FGF14: variants seen among roughly 807,000 people sequenced by gnomAD.
The protein encoded by FGF14 is fibroblast growth factor homologous factor 4.
Under a neutral mutation model 25.5 loss-of-function variants are expected in FGF14, and 5 were observed. The observed-to-expected ratio is 0.20, with a 90% CI of 0.10 to 0.41. The LOEUF is 0.41. FGF14 is among the 10% of genes least tolerant of loss of function. FGF14 has a pLI of 1.00. For missense variants in FGF14, 222 were observed against 320.1 expected, an observed-to-expected ratio of 0.69 and a Z score of 2.34; for synonymous variants, 138 against 118.3, an observed-to-expected ratio of 1.17 and a Z score of -1.08.
At chr13:102,060,049 A>G (rs2042610267) in intron 1 of FGF14, among the ~76,000 whole-genome samples, 1 of 152,208 alleles carries the variant, frequency 6.6e-6, no homozygotes, top group South Asian at 2.1e-4. Flanking sequence ...GAGTGCCAGC[A>G]TAACATTCAA....
At position 102,192,096 on chromosome 13, in the gene FGF14, A is replaced by C. The variant is rs142156094; in HGVS notation, c.208+209375T>G. The stretch of plus-strand genomic sequence containing the variant: ...AAGGCCCCACCCCCAGGCTTTAGTC[A>C]GAGGCCATATGGCCTATTGAAACTG... On this transcript the variant is annotated intron_variant, in intron 1 of 4. Coordinates refer to the FGF14 transcript ENST00000376131. Among the ~76,000 whole-genome samples the C allele has an allele frequency of 2.1e-3, 320 of 152,318 alleles. 1 individual carries two copies. Among genetic ancestry groups the C allele is most frequent in the Non-Finnish European group, 3.9e-3 (264 of 68,026 alleles).
intron 1 of FGF14, among the ~76,000 whole-genome samples, chr13:102,238,865 A>C (rs1412755051): frequency 1.3e-5 from 2 of 152,184 alleles, no homozygotes; most frequent in Non-Finnish European, 2.9e-5. Flanking sequence ...TGTCTGGTTC[A>C]TGTGTCTGTC....
intron 2 of FGF14, among the ~76,000 whole-genome samples, chr13:101,873,876 A>C (rs1342451276): frequency 1.3e-5 from 2 of 152,130 alleles, no homozygotes; most frequent in African/African-American, 4.8e-5. Context: ...ACTAAAAATA[A>C]ACCAATAAAC....
intron 1 of FGF14, among the ~76,000 whole-genome samples, chr13:102,067,297 ACTC>A (rs1463485240): frequency 7.9e-5 from 12 of 152,166 alleles, no homozygotes; most frequent in Non-Finnish European, 1.5e-4. Context: ...TACAGTGACC[ACTC>A]AGCTTGACAA....
At chr13:101,924,027 T>C (rs1027343326) in intron 1 of FGF14, among the ~76,000 whole-genome samples, 1 of 152,102 alleles carries the variant, frequency 6.6e-6, no homozygotes, top group Non-Finnish European at 1.5e-5. Flanking sequence ...GTTGTGAATA[T>C]TGGCAAATCT....
chr13:101,822,418 G>A (rs2042198685), intron 3 of FGF14, among the ~76,000 whole-genome samples: 1 of 151,496 alleles, frequency 6.6e-6, no homozygotes, highest in Non-Finnish European at 1.5e-5. Flanking sequence ...ATCTGTTAGT[G>A]TGAGTACTTC....
chr13:101,717,880 GTTA>G lies in FGF14; in HGVS notation c.*4948_*4950del, dbSNP rs1482717053. The G allele has an allele frequency of 2.0e-5, 3 of 152,010 alleles. No individual in the cohort carries two copies. Among genetic ancestry groups the G allele is most frequent in the Non-Finnish European group, 2.9e-5 (2 of 67,988 alleles). 9.4% of individuals were successfully genotyped at this position (152,010 alleles called of 1,614,324 possible). ...TTATTTTTCTTATAATCCTCTGTAT[GTTA>G]TTATCCTTTTTATTAACAACAACAA... On this transcript the variant is annotated 3_prime_UTR_variant, in exon 5 of 5. Coordinates refer to ENST00000376143, the MANE Select transcript of FGF14 (RefSeq NM_004115.4).
At chr13:102,091,586 C>G (rs1447373527) in intron 1 of FGF14, among the ~76,000 whole-genome samples, 1 of 152,206 alleles carries the variant, frequency 6.6e-6, no homozygotes, top group Admixed American at 6.5e-5. Flanking sequence ...ATTGGTCCTC[C>G]TCAGAGGTCT....
In FGF14 at chr13:102,115,515, T is replaced by C. The variant is rs367891003; in HGVS notation, c.209-240219A>G. Among the ~76,000 whole-genome samples the C allele has an allele frequency of 2.0e-3, 297 of 152,290 alleles. 12 individuals carry two copies. The South Asian group carries it at 0.058, about 30-fold the overall frequency. ...TCTTCATGTCATTGCTGACCACATG[T>C]AGGGCTTCTTTTAATAAGTGTCTGT... On this transcript the variant is annotated intron_variant, in intron 1 of 4. Coordinates refer to the FGF14 transcript ENST00000376131.
intron 1 of FGF14, among the ~76,000 whole-genome samples, chr13:101,895,210 C>A (rs2030453225): frequency 6.6e-6 from 1 of 152,050 alleles, no homozygotes; most frequent in Non-Finnish European, 1.5e-5. Flanking sequence ...CATTAAATTC[C>A]TAATGACTGT....
intron 1 of FGF14, among the ~76,000 whole-genome samples, chr13:102,289,559 C>T (rs2054273492): frequency 6.6e-6 from 1 of 152,100 alleles, no homozygotes; most frequent in Non-Finnish European, 1.5e-5. Context: ...ATTAAATTCA[C>T]ATAATTGTTT....
chr13:101,972,903 C>CAATGAGA (rs1222406717), intron 1 of FGF14, among the ~76,000 whole-genome samples: 3 of 152,212 alleles, frequency 2.0e-5, no homozygotes, highest in Admixed American at 2.0e-4. Flanking sequence ...GCTTCAGATG[C>CAATGAGA]AATGAGAAAG....
intron 3 of FGF14, among the ~76,000 whole-genome samples, chr13:101,854,255 AT>A (rs1384252706): frequency 6.6e-6 from 1 of 152,122 alleles, no homozygotes; most frequent in Non-Finnish European, 1.5e-5. Flanking sequence ...ATAAATGCTT[AT>A]TGCTGTTATC....
At chr13:101,837,943 C>A (rs2043005867) in intron 3 of FGF14, among the ~76,000 whole-genome samples, 1 of 151,888 alleles carries the variant, frequency 6.6e-6, no homozygotes, top group Admixed American at 6.6e-5. Context: ...TAAAAGCAGG[C>A]AGAAGAACGT....
rs58805558 is a variant in FGF14 at position 101,812,112 on chromosome 13, A to G, written c.408+56613T>C. Among the ~76,000 whole-genome samples, 1,338 of 152,320 alleles carry G rather than the reference A, an allele frequency of 8.8e-3. 22 individuals are homozygous for G. Among genetic ancestry groups the G allele is most frequent in the African/African-American group, 0.031 (1,281 of 41,580 alleles). On this transcript the variant is annotated intron_variant, in intron 3 of 4. Transcript: ENST00000376143. Reference sequence around the variant, plus strand: ...CTTCAAATTATATCTAAGTTCATTCATCTATTAAAAAAGAGATGAAAAGAT... The same window carrying G: ...CTTCAAATTATATCTAAGTTCATTCGTCTATTAAAAAAGAGATGAAAAGAT...
chr13:101,953,307 A>T (rs2036290949), intron 1 of FGF14, among the ~76,000 whole-genome samples: 1 of 151,994 alleles, frequency 6.6e-6, no homozygotes, highest in Admixed American at 6.6e-5. Context: ...CTTTTTAATT[A>T]ATTCCACCAC....
At chr13:101,880,705 G>A (rs774922857) in intron 1 of FGF14, among the ~76,000 whole-genome samples, 1 of 152,084 alleles carries the variant, frequency 6.6e-6, no homozygotes, top group Non-Finnish European at 1.5e-5. Flanking sequence ...TAAATTAGCG[G>A]GTTTGCATGT....
intron 1 of FGF14, among the ~76,000 whole-genome samples, chr13:102,198,670 T>C (rs1343532307): frequency 6.6e-6 from 1 of 152,220 alleles, no homozygotes; most frequent in African/African-American, 2.4e-5. Context: ...TGTATCCTTT[T>C]GGACTTTGTA....
intron 3 of FGF14, among the ~76,000 whole-genome samples, chr13:101,826,705 T>G (rs746825997): frequency 6.6e-6 from 1 of 152,020 alleles, no homozygotes; most frequent in Non-Finnish European, 1.5e-5. Context: ...AGCTGGATAA[T>G]TGATATCACT....
Sources: gnomAD v4.1 joint callset for allele counts (sites outside exome capture counted in the v4.1 genomes callset) on GRCh38, gnomAD v4.1.1 for gene constraint, MANE v1.5 for transcripts, NCBI Gene and HGNC (gene_info 2026-07-23, HGNC 2026-07-21) for gene names.